The following RFX3 variants were observed in gnomAD, a reference collection of about 807,000 sequenced individuals.
RFX3 encodes transcription factor RFX3.
In RFX3, 14 loss-of-function variants were observed where a neutral mutation model predicts 98.6. The ratio of observed to expected loss-of-function variants is 0.14; its 90% CI spans 0.09 to 0.22. RFX3 has a LOEUF of 0.22. RFX3 is among the 10% of genes least tolerant of loss of function. The pLI is 1.00. For missense variants in RFX3, 639 were observed against 926.9 expected (o/e 0.69, Z 4.03); for synonymous variants, 383 against 328.4 (o/e 1.17, Z -1.80).
intron 10 of RFX3, 77 bp downstream of exon 10, chr9:3,270,926 G>C: frequency 6.3e-7 from 1 of 1,597,378 alleles, no homozygotes; most frequent in Non-Finnish European, 8.6e-7. Flanking sequence ...TTCACAACTG[G>C]TATACATATC....
intron 1 of RFX3, among the ~76,000 whole-genome samples, chr9:3,427,256 AATACTATATAT>A (rs1844147844): frequency 2.1e-5 from 3 of 144,212 alleles, no homozygotes; most frequent in Non-Finnish European, 4.5e-5. Context: ...ATATATATAT[AATACTATATAT>A]ATATTTTATT....
At chr9:3,455,443 T>A (rs1434111186) in intron 1 of RFX3, among the ~76,000 whole-genome samples, 2 of 152,230 alleles carry the variant, frequency 1.3e-5, no homozygotes, top group Admixed American at 1.3e-4. Context: ...TGTATACTTC[T>A]ACTTCATTGA....
intron 15 of RFX3, among the ~76,000 whole-genome samples, chr9:3,243,367 T>C: frequency 6.6e-6 from 1 of 150,382 alleles, no homozygotes; most frequent in Admixed American, 6.6e-5. Context: ...ATGCTTTAAA[T>C]AATTTACTAG....
At chr9:3,307,812 G>C (rs147133013) in intron 4 of RFX3, among the ~76,000 whole-genome samples, 50 of 152,316 alleles carry the variant, frequency 3.3e-4, no homozygotes, top group Non-Finnish European at 5.3e-4. Flanking sequence ...AAGAGGCCTT[G>C]TGACAACCTA....
intron 12 of RFX3, 110 bp from the exon 13 acceptor site, chr9:3,263,194 C>A: frequency 2.7e-6 from 3 of 1,120,182 alleles, no homozygotes; most frequent in Non-Finnish European, 3.9e-6. Flanking sequence ...GCCTCTGACA[C>A]TTATTTAAAA....
intron 1 of RFX3, among the ~76,000 whole-genome samples, chr9:3,405,301 G>C (rs1841856260): frequency 6.6e-6 from 1 of 152,088 alleles, no homozygotes; most frequent in African/African-American, 2.4e-5. Context: ...CTGTTTTAAA[G>C]AGTTTAGCCA....
chr9:3,494,236 G>T (rs965676586), intron 1 of RFX3, among the ~76,000 whole-genome samples: 1 of 152,132 alleles, frequency 6.6e-6, no homozygotes, highest in African/African-American at 2.4e-5. Context: ...ATAGACTCTG[G>T]TGTTAAATTT....
chr9:3,341,207 G>A (rs1833848684), intron 3 of RFX3, among the ~76,000 whole-genome samples: 1 of 151,622 alleles, frequency 6.6e-6, no homozygotes, highest in Non-Finnish European at 1.5e-5. Context: ...TGAACAATGA[G>A]AACACATGGA....
chr9:3,345,980 G>C (rs1834403601), intron 3 of RFX3, among the ~76,000 whole-genome samples: 1 of 152,152 alleles, frequency 6.6e-6, no homozygotes, highest in African/African-American at 2.4e-5. Context: ...TTCATTTTAA[G>C]TTAACCGAGG....
At chr9:3,232,332 T>C (rs546692612) in intron 15 of RFX3, among the ~76,000 whole-genome samples, 5 of 152,254 alleles carry the variant, frequency 3.3e-5, no homozygotes, top group African/African-American at 9.6e-5. Context: ...TGTCACACAG[T>C]CAATATTGCT....
intron 12 of RFX3, among the ~76,000 whole-genome samples, chr9:3,264,275 A>G (rs940230557): frequency 5.3e-5 from 8 of 152,308 alleles, no homozygotes; most frequent in Admixed American, 3.9e-4. Flanking sequence ...TATAGATCTA[A>G]TGATTTTAAT....
At chr9:3,269,490 T>C (rs1229786180) in intron 11 of RFX3, among the ~76,000 whole-genome samples, 1 of 152,066 alleles carries the variant, frequency 6.6e-6, no homozygotes, top group Non-Finnish European at 1.5e-5. Context: ...CAATGTAGAG[T>C]AGTAACTGTC....
At chr9:3,257,660 T>C (rs2131126144) in intron 13 of RFX3, among the ~76,000 whole-genome samples, 1 of 152,234 alleles carries the variant, frequency 6.6e-6, no homozygotes, top group African/African-American at 2.4e-5. Context: ...ATAGATAAAA[T>C]TGGCCAAAAG....
At chr9:3,384,400 G>C (rs540658627) in intron 2 of RFX3, among the ~76,000 whole-genome samples, 1 of 152,116 alleles carries the variant, frequency 6.6e-6, no homozygotes, top group Non-Finnish European at 1.5e-5. Flanking sequence ...CTGTCCTGGC[G>C]TATACTTCTC....
intron 1 of RFX3, among the ~76,000 whole-genome samples, chr9:3,407,548 C>T (rs1443803956): frequency 2.0e-5 from 3 of 152,030 alleles, no homozygotes; most frequent in African/African-American, 4.8e-5. Context: ...AGTCAAGGAG[C>T]AACATGTTGT....
chr9:3,395,239 T>G (rs1043600490), intron 2 of RFX3, among the ~76,000 whole-genome samples: 1 of 152,240 alleles, frequency 6.6e-6, no homozygotes, highest in African/African-American at 2.4e-5. Flanking sequence ...ACAGGCTGTT[T>G]GAGAATACAG....
chr9:3,429,241 C>T (rs1844417839), intron 1 of RFX3, among the ~76,000 whole-genome samples: 1 of 150,890 alleles, frequency 6.6e-6, no homozygotes, highest in Non-Finnish European at 1.5e-5. Flanking sequence ...CCAAGATGGT[C>T]TCGATCTCCT....
chr9:3,352,359 C>A (rs1320002312), intron 2 of RFX3, among the ~76,000 whole-genome samples: 1 of 151,838 alleles, frequency 6.6e-6, no homozygotes, highest in Non-Finnish European at 1.5e-5. Flanking sequence ...GGTAACTCTG[C>A]TGAGTGACAT....
chr9:3,493,108 C>G (rs966318779), intron 1 of RFX3, among the ~76,000 whole-genome samples: 2 of 152,062 alleles, frequency 1.3e-5, no homozygotes, highest in Non-Finnish European at 2.9e-5. Flanking sequence ...GGCATCTAAC[C>G]TGTTGTAGGC....
Sources: allele counts gnomAD v4.1 joint callset (sites outside exome capture counted in the v4.1 genomes callset), GRCh38; gene constraint gnomAD v4.1.1; transcripts MANE v1.5; gene names NCBI Gene and HGNC (gene_info 2026-07-23, HGNC 2026-07-21).